Variants in PPID observed in about 807,000 individuals in gnomAD.
PPID encodes peptidylprolyl isomerase D, also known as peptidyl-prolyl cis-trans isomerase D.
PPID carries 47 observed loss-of-function variants against 48.1 expected under a neutral mutation model. The observed-to-expected ratio is 0.98, with a 90% confidence interval of 0.77 to 1.25. The LOEUF (loss-of-function observed/expected upper bound fraction) is 1.25, where lower values mean the gene tolerates loss of function less well. PPID is among the 50% of genes most tolerant of loss of function. PPID has a pLI of 0.00. For missense variants in PPID, 429 were observed against 443.5 expected, an observed-to-expected ratio of 0.97 and a Z score of 0.29; for synonymous variants, 163 against 148.8, an observed-to-expected ratio of 1.10 and a Z score of -0.69.
intron 3 of PPID, 39 bp from the exon 4 acceptor site, chr4:158,717,239 G>T: frequency 1.3e-6 from 2 of 1,561,474 alleles, no homozygotes; most frequent in Non-Finnish European, 1.7e-6. Context: ...AAGGTTAGAT[G>T]TGTTCTTTTC....
Position 158,719,184 on chromosome 4 carries a change from T to G in PPID, c.329A>C (p.Tyr110Ser). The G allele has an allele frequency of 6.4e-7, 1 of 1,569,992 alleles. No individual in the cohort carries two copies. Among genetic ancestry groups the G allele is most frequent in the Non-Finnish European group, 8.8e-7 (1 of 1,141,106 alleles). Reference protein sequence around the residue: ...GEKFEDENFHYKHDREGLLSM... With the variant: ...GEKFEDENFHSKHDREGLLSM... ...CATGCATTTTCTCTACTTTACCTTG[T>G]AATGGAAATTTTCATCTTCAAATTT... The change falls in exon 3 of 10, where the codon TAC becomes TCC. Residue 110 changes from tyrosine to serine, a missense_variant. Coordinates refer to ENST00000307720, the MANE Select transcript of PPID (RefSeq NM_005038.3).
intron 2 of PPID, 92 bp from the exon 3 acceptor site, chr4:158,719,378 T>A (rs1561257108): frequency 1.3e-6 from 1 of 790,170 alleles, no homozygotes; most frequent in Non-Finnish European, 2.1e-6. Context: ...AACTTTGTAG[T>A]GCATGACTCT....
chr4:158,717,092 C>A lies in PPID; in HGVS notation c.442G>T (p.Val148Leu). Residue 148 changes from valine to leucine, a missense_variant, in exon 4 of 10, where the codon GTG (valine) becomes TTG (leucine). Val to Leu is a conservative substitution (Grantham distance 32). Transcript: ENST00000307720. The stretch of plus-strand genomic sequence containing the variant: ...ATTCCTTTAATTACTTGGCCAAACA[C>A]CACATGTTTCCCATCCAAATGAGGA... ...PTPHLDGKHVVFGQVIKGIGV... is the reference protein window; with the variant it reads ...PTPHLDGKHVLFGQVIKGIGV... 3.1e-6 allele frequency: 5 copies of A among 1,614,040 alleles called. No individual in the cohort carries two copies. Among genetic ancestry groups the A allele is most frequent in the Non-Finnish European group, 4.2e-6 (5 of 1,179,900 alleles).
At chr4:158,711,812 T>A (rs1218047581) in intron 7 of PPID, among the ~76,000 whole-genome samples, 2 of 151,802 alleles carry the variant, frequency 1.3e-5, no homozygotes, top group African/African-American at 4.8e-5. Context: ...ACAAAAAATT[T>A]AAAAATCAGC....
chr4:158,721,350 A>C lies in PPID; in HGVS notation c.219T>G (p.Phe73Leu), dbSNP rs200023691. Residue 73 changes from phenylalanine (F) to leucine (L), a missense_variant, in exon 2 of 10, where the codon TTT (phenylalanine) becomes TTG (leucine). Phe to Leu is a conservative substitution (Grantham distance 22). Transcript: ENST00000307720. ...GKPLHFKGCP[F>L]HRIIKKFMIQ... Reference sequence around the variant, plus strand: ...AAGAAAATTTACACATACTTCGATGAAAAGGGCATCCTTTGAAATGGAGAG... The same window carrying C: ...AAGAAAATTTACACATACTTCGATGCAAAGGGCATCCTTTGAAATGGAGAG... The C allele has an allele frequency of 1.9e-6, 3 of 1,614,066 alleles. No homozygotes were observed. The Admixed American group carries it at 5.0e-5, about 27-fold the overall frequency.
At chr4:158,721,100 G>A (rs1774951717) in intron 2 of PPID, among the ~76,000 whole-genome samples, 1 of 152,196 alleles carries the variant, frequency 6.6e-6, no homozygotes, top group South Asian at 2.1e-4. Context: ...TCATCTTAGA[G>A]TGAAGGAGAA....
intron 6 of PPID, among the ~76,000 whole-genome samples, chr4:158,714,948 C>T (rs1160857527): frequency 6.6e-6 from 1 of 152,166 alleles, no homozygotes; most frequent in Non-Finnish European, 1.5e-5. Context: ...CGGTATTGAA[C>T]TTATGCAGAA....
chr4:158,718,434 T>TTAG (rs1774905037), intron 3 of PPID, among the ~76,000 whole-genome samples: 1 of 152,216 alleles, frequency 6.6e-6, no homozygotes, highest in Non-Finnish European at 1.5e-5. Flanking sequence ...TTCAATCAAT[T>TTAG]TAGCATTTAT....
Position 158,715,701 on chromosome 4 carries a change from A to C in PPID, c.523-17T>G. ...AACGCACAACTGTAAAAATAACCCT[A>C]AATTGTAGAAGTGCACTATCGTAAT... On this transcript the variant is annotated splice_polypyrimidine_tract_variant and intron_variant, in intron 4 of 9. Transcript: ENST00000307720. The C allele has an allele frequency of 6.2e-7, 1 of 1,600,890 alleles. No homozygotes were observed. The highest frequency in any genetic ancestry group is 8.6e-7 in the Non-Finnish European group (1 of 1,168,088).
intron 6 of PPID, among the ~76,000 whole-genome samples, 158 bp from the exon 7 acceptor site, chr4:158,713,418 TA>T (rs1416013303): frequency 6.6e-6 from 1 of 152,092 alleles, no homozygotes; most frequent in Non-Finnish European, 1.5e-5. Context: ...TAAGAAGGCT[TA>T]AAAAAAATTG....
chr4:158,721,278 C>G, intron 2 of PPID, 65 bp downstream of exon 2: 1 of 1,556,566 alleles, frequency 6.4e-7, no homozygotes, highest in Middle Eastern at 1.7e-4. Context: ...GTTTTCTTCC[C>G]CAAATCCTAA....
chr4:158,723,292 G>C lies in PPID; in HGVS notation c.-4C>G. The C allele has an allele frequency of 1.2e-6, 2 of 1,613,134 alleles. No homozygotes were observed. The highest frequency in any genetic ancestry group is 1.7e-6 in the Non-Finnish European group (2 of 1,179,338). On this transcript the variant is annotated 5_prime_UTR_variant, in exon 1 of 10. Transcript: ENST00000307720. Reference sequence around the variant, plus strand: ...CTTGGGGGGACGGGTGCGACATCTTGACTTGCAGACGTGTTTAGTACGGAA... The same window carrying C: ...CTTGGGGGGACGGGTGCGACATCTTCACTTGCAGACGTGTTTAGTACGGAA...
chr4:158,718,224 G>A (rs748236118), intron 3 of PPID, among the ~76,000 whole-genome samples: 4 of 151,984 alleles, frequency 2.6e-5, no homozygotes, highest in Non-Finnish European at 5.9e-5. Flanking sequence ...CCTCACCGAC[G>A]TCCCTTTTTA....
At chr4:158,721,808 T>C (rs1774965215) in intron 1 of PPID, among the ~76,000 whole-genome samples, 1 of 152,230 alleles carries the variant, frequency 6.6e-6, no homozygotes, top group Non-Finnish European at 1.5e-5. Context: ...AGTGAGATCA[T>C]GCCTTGTCTT....
intron 4 of PPID, among the ~76,000 whole-genome samples, chr4:158,716,050 T>C (rs1774865967): frequency 6.6e-6 from 1 of 152,154 alleles, no homozygotes; most frequent in Admixed American, 6.5e-5. Flanking sequence ...ACCCTGTCAC[T>C]TAGGCTGGGT....
chr4:158,711,035 G>A (rs1774782005), intron 7 of PPID, among the ~76,000 whole-genome samples, 187 bp from the exon 8 acceptor site: 1 of 152,138 alleles, frequency 6.6e-6, no homozygotes, highest in South Asian at 2.1e-4. Context: ...GAATGGACAT[G>A]GAGGAGAAAG....
intron 2 of PPID, among the ~76,000 whole-genome samples, chr4:158,720,944 G>C (rs1774948919): frequency 6.6e-6 from 1 of 152,064 alleles, no homozygotes; most frequent in Admixed American, 6.5e-5. Context: ...TCGATCTCCT[G>C]ATCTCGTGAT....
At position 158,709,834 on chromosome 4, in the gene PPID, A is replaced by T; in HGVS notation, c.1025-10T>A. The T allele has an allele frequency of 2.5e-6, 4 of 1,588,334 alleles. No homozygotes were observed. Among genetic ancestry groups the T allele is most frequent in the Non-Finnish European group, 3.5e-6 (4 of 1,158,942 alleles). On this transcript the variant is annotated splice_polypyrimidine_tract_variant and intron_variant, in intron 9 of 9. Coordinates refer to ENST00000307720, the MANE Select transcript of PPID (RefSeq NM_005038.3). ...AATTCTGCCTGGATAGCTGTAAAAT[A>T]AATATGCAATGTGAGTTATTTCTCA...
At chr4:158,719,060 A>G (rs960651367) in intron 3 of PPID, 120 bp downstream of exon 3, 1 of 620,008 alleles carries the variant, frequency 1.6e-6, no homozygotes, top group Non-Finnish European at 2.8e-6. Flanking sequence ...AGTGATTCCT[A>G]TTACAAGAAA....
Sources: gnomAD v4.1 joint callset for allele counts (sites outside exome capture counted in the v4.1 genomes callset) on GRCh38, gnomAD v4.1.1 for gene constraint, MANE v1.5 for transcripts, NCBI Gene and HGNC (gene_info 2026-07-23, HGNC 2026-07-21) for gene names.